The following PPM1E variants were observed in gnomAD, a reference collection of about 807,000 sequenced individuals.
The protein encoded by PPM1E is protein phosphatase, Mg2+/Mn2+ dependent 1E.
PPM1E carries 20 observed loss-of-function variants against 65.9 expected under a neutral mutation model. The ratio of observed to expected loss-of-function variants is 0.30; its 90% CI spans 0.21 to 0.44. PPM1E has a LOEUF of 0.44. PPM1E is among the 20% of genes least tolerant of loss of function. The probability of loss-of-function intolerance (pLI) is 1.00; values close to 1 mark genes in which losing one functional copy is unlikely to be tolerated. For synonymous variants in PPM1E, 352 were observed against 374.9 expected (o/e 0.94, Z 0.70); for missense variants, 713 against 953.1 (o/e 0.75, Z 3.32).
chr17:58,769,463 G>T (rs962761212), intron 1 of PPM1E, among the ~76,000 whole-genome samples: 1 of 152,032 alleles, frequency 6.6e-6, no homozygotes, highest in Non-Finnish European at 1.5e-5. Context: ...TGGGCATGGC[G>T]GTGTGTACCT....
At chr17:58,766,196 G>GTTTTTTTTTTTTTTTTTTTT (rs10604459) in intron 1 of PPM1E, among the ~76,000 whole-genome samples, 5 of 65,134 alleles carry the variant, frequency 7.7e-5, no homozygotes, top group Admixed American at 1.9e-4. Flanking sequence ...TGTAATTTCT[G>GTTTTTTTTTTTTTTTTTTTT]TTTTTTTTTT....
At chr17:58,947,918 G>A (rs533871138) in intron 1 of PPM1E, among the ~76,000 whole-genome samples, 35 of 152,218 alleles carry the variant, frequency 2.3e-4, no homozygotes, top group Admixed American at 1.5e-3. Context: ...AATTGATAAT[G>A]GCTACTGCCT....
At chr17:58,933,095 A>G (rs761943006) in intron 1 of PPM1E, among the ~76,000 whole-genome samples, 1 of 152,182 alleles carries the variant, frequency 6.6e-6, no homozygotes, top group Non-Finnish European at 1.5e-5. Context: ...AGACTATACC[A>G]TCTGGGTTTA....
Position 58,767,193 on chromosome 17 carries a change from C to T in PPM1E, c.464+10732C>T, listed in dbSNP as rs1230201076. Among the ~76,000 whole-genome samples, 3 of 152,098 alleles carry T rather than the reference C, an allele frequency of 2.0e-5. No homozygotes were observed. The East Asian group carries it at 5.8e-4, about 29-fold the overall frequency. On this transcript the variant is annotated intron_variant, in intron 1 of 6. Coordinates refer to ENST00000308249, the MANE Select transcript of PPM1E (RefSeq NM_014906.5). ...TTCTCTTGCTGCTGTGTACTATATT[C>T]AGTGAGACCTCGTTTAGGCATTGTT... is the stretch of plus-strand genomic sequence containing the variant.
chr17:58,829,050 C>CT (rs887625432), intron 1 of PPM1E, among the ~76,000 whole-genome samples: 22 of 150,524 alleles, frequency 1.5e-4, no homozygotes, highest in South Asian at 6.3e-4. Context: ...TTTCTTTTTT[C>CT]TTTTTTTTTG....
intron 2 of PPM1E, among the ~76,000 whole-genome samples, chr17:58,961,428 G>A (rs146808684): frequency 1.5e-3 from 222 of 152,312 alleles, no homozygotes; most frequent in African/African-American, 5.2e-3. Context: ...CTAGGATTGA[G>A]AATGATGTTA....
intron 1 of PPM1E, among the ~76,000 whole-genome samples, chr17:58,758,901 C>G (rs1199812145): frequency 6.6e-6 from 1 of 151,978 alleles, no homozygotes; most frequent in African/African-American, 2.4e-5. Flanking sequence ...AAAACCCCGT[C>G]TCTACTAAAA....
At chr17:58,887,976 T>A (rs2051296275) in intron 1 of PPM1E, among the ~76,000 whole-genome samples, 2 of 152,150 alleles carry the variant, frequency 1.3e-5, no homozygotes, top group Non-Finnish European at 2.9e-5. Flanking sequence ...ATAGGACTTG[T>A]TTATGTGGTG....
At chr17:58,798,522 C>T (rs1339348660) in intron 1 of PPM1E, among the ~76,000 whole-genome samples, 2 of 150,070 alleles carry the variant, frequency 1.3e-5, no homozygotes, top group South Asian at 2.1e-4. Flanking sequence ...CGCACACGGC[C>T]CTATTTTTTT....
intron 1 of PPM1E, among the ~76,000 whole-genome samples, chr17:58,832,647 G>A (rs912221537): frequency 6.6e-6 from 1 of 152,166 alleles, no homozygotes; most frequent in African/African-American, 2.4e-5. Flanking sequence ...TTAGAGTCAT[G>A]TAGAAGTTGC....
At chr17:58,894,257 G>C (rs2051384633) in intron 1 of PPM1E, among the ~76,000 whole-genome samples, 2 of 152,158 alleles carry the variant, frequency 1.3e-5, no homozygotes, top group Middle Eastern at 3.4e-3. Context: ...AAGTAGCTGG[G>C]ATTAACAGGT....
Position 58,980,529 on chromosome 17 carries a change from T to C in PPM1E, c.1766T>C (p.Val589Ala), listed in dbSNP as rs765944508. Residue 589 changes from valine (V) to alanine (A), a missense_variant, in exon 7 of 7, where the codon GTT becomes GCT. Around this residue, in one of 6 missense-constraint regions of PPM1E, gnomAD observed 286 missense variants for 313.8 expected, o/e 0.91. Transcript: ENST00000308249. The surrounding 1 kb of genome is among the most constrained non-coding windows in gnomAD (Gnocchi z 4.7). The stretch of plus-strand genomic sequence containing the variant: ...CACAGTGCCCAGTTTTTGCTACCAG[T>C]TGAGATGTTTGGTCCTGGTGCACCA... ...KPHSAQFLLP[V>A]EMFGPGAPKK... 6.2e-7 allele frequency: 1 copy of C among 1,614,082 alleles called. No individual in the cohort carries two copies. The highest frequency in any genetic ancestry group is 8.5e-7 in the Non-Finnish European group (1 of 1,180,008).
chr17:58,982,806 C>T lies in PPM1E; in HGVS notation c.*1775C>T, dbSNP rs1357847473. 2 of 1,092,386 alleles carry T rather than the reference C, an allele frequency of 1.8e-6. No individual in the cohort carries two copies. Among genetic ancestry groups the T allele is most frequent in the Non-Finnish European group, 2.7e-6 (2 of 748,084 alleles). 67.7% of individuals were successfully genotyped at this position (1,092,386 alleles called of 1,614,324 possible). On this transcript the variant is annotated 3_prime_UTR_variant, in exon 7 of 7. Coordinates refer to ENST00000308249, the MANE Select transcript of PPM1E (RefSeq NM_014906.5). ...CATGGCCCCAACTATAGTGCCGGAA[C>T]CTTTTCATCATTCTGAGGCTTTGCC...
At chr17:58,785,717 C>T (rs2050094396) in intron 1 of PPM1E, 1 of 151,784 alleles carries the variant, frequency 6.6e-6, no homozygotes, top group Non-Finnish European at 1.5e-5. Flanking sequence ...CCAAGACCCC[C>T]AGTGGATGAC....
chr17:58,966,015 G>GAAAACTTCT, intron 3 of PPM1E, 122 bp downstream of exon 3: 1 of 1,039,918 alleles, frequency 9.6e-7, no homozygotes, highest in Non-Finnish European at 1.4e-6. Context: ...ATTAGAGTAG[G>GAAAACTTCT]GCTAAGTGCA....
intron 1 of PPM1E, among the ~76,000 whole-genome samples, chr17:58,766,985 T>G (rs1022863864): frequency 2.0e-5 from 3 of 152,166 alleles, no homozygotes; most frequent in African/African-American, 7.2e-5. Flanking sequence ...GAAACAATTT[T>G]CAGTGTTTCA....
At chr17:58,864,810 C>T (rs2050982135) in intron 1 of PPM1E, among the ~76,000 whole-genome samples, 1 of 152,034 alleles carries the variant, frequency 6.6e-6, no homozygotes, top group Non-Finnish European at 1.5e-5. Flanking sequence ...GTGGCAGGCG[C>T]CTGTAGTCCC....
At chr17:58,824,242 T>A (rs1029756138) in intron 1 of PPM1E, among the ~76,000 whole-genome samples, 1 of 151,922 alleles carries the variant, frequency 6.6e-6, no homozygotes, top group Non-Finnish European at 1.5e-5. Context: ...AATTTAAAAC[T>A]TTTTTTCTCA....
At chr17:58,851,194 T>G (rs963457294) in intron 1 of PPM1E, among the ~76,000 whole-genome samples, 2 of 152,148 alleles carry the variant, frequency 1.3e-5, no homozygotes, top group African/African-American at 4.8e-5. Context: ...TTTTCAAGGT[T>G]TTTAGCTTCC....
Sources: allele counts gnomAD v4.1 joint callset (sites outside exome capture counted in the v4.1 genomes callset), GRCh38; gene constraint gnomAD v4.1.1; regional missense constraint gnomAD v4.1.1; non-coding constraint Gnocchi (gnomAD v3.1); transcripts MANE v1.5; gene names NCBI Gene and HGNC (gene_info 2026-07-23, HGNC 2026-07-21).